Variants in PCDHA1 observed in about 807,000 individuals in gnomAD.
PCDHA1 encodes protocadherin alpha-1.
In PCDHA1, 42 loss-of-function variants were observed where a neutral mutation model predicts 61.3. The ratio of observed to expected loss-of-function variants is 0.69; its 90% CI spans 0.54 to 0.89. The LOEUF is 0.89. PCDHA1 is among the 40% of genes least tolerant of loss of function. The pLI is 0.00. For missense variants in PCDHA1, 1,256 were observed against 1,235.3 expected (o/e 1.02, Z -0.25); for synonymous variants, 610 against 553.8 (o/e 1.10, Z -1.43).
intron 1 of PCDHA1, chr5:140,871,468 G>C (rs781821721): frequency 6.2e-7 from 1 of 1,602,172 alleles, no homozygotes; most frequent in East Asian, 2.2e-5. Context: ...GGAAAGACAG[G>C]AGCCAGGGTC....
At chr5:140,798,639 T>C (rs1480181515) in intron 1 of PCDHA1, among the ~76,000 whole-genome samples, 1 of 152,204 alleles carries the variant, frequency 6.6e-6, no homozygotes, top group Non-Finnish European at 1.5e-5. Flanking sequence ...TAATGTGAGC[T>C]CACTCAATTT....
intron 1 of PCDHA1, chr5:140,802,551 G>C: frequency 6.2e-7 from 1 of 1,614,220 alleles, no homozygotes; most frequent in South Asian, 1.1e-5. Context: ...GAACGACAAT[G>C]CGCCGGCATT....
At chr5:140,900,489 C>G (rs1429058590) in intron 1 of PCDHA1, among the ~76,000 whole-genome samples, 8 of 152,196 alleles carry the variant, frequency 5.3e-5, no homozygotes, top group African/African-American at 1.7e-4. Context: ...GTTGGTCAGA[C>G]TGGTCTCAAA....
At chr5:140,958,587 A>G (rs530889375) in intron 1 of PCDHA1, among the ~76,000 whole-genome samples, 36 of 152,292 alleles carry the variant, frequency 2.4e-4, no homozygotes, top group African/African-American at 8.2e-4. Context: ...AAATGAGCTT[A>G]TGATAATTGG....
chr5:140,821,988 G>A (rs2150112671), intron 1 of PCDHA1: 52 of 1,614,070 alleles, frequency 3.2e-5, no homozygotes, highest in Admixed American at 3.2e-4. Flanking sequence ...AGGGCCGCGG[G>A]GACCTTCTGG....
intron 1 of PCDHA1, chr5:140,834,524 C>G: frequency 6.2e-7 from 1 of 1,614,088 alleles, no homozygotes; most frequent in African/African-American, 1.3e-5. Flanking sequence ...TCGTGGGCCG[C>G]ATCGCGCAGG....
chr5:140,821,522 C>A, intron 1 of PCDHA1: 3 of 409,570 alleles, frequency 7.3e-6, no homozygotes, highest in East Asian at 3.9e-5. Flanking sequence ...TAAAGCAAAA[C>A]AAAATAAAAC....
In PCDHA1 at chr5:140,787,735, C is replaced by T. The variant is rs782599305; in HGVS notation, c.1445C>T (p.Ala482Val). The change falls in exon 1 of 4, where the codon GCG (alanine) becomes GTG (valine). Residue 482 changes from alanine to valine, a missense_variant. By Grantham distance (64) the Ala-to-Val change is moderately conservative. Transcript: ENST00000504120. The part of the protein sequence containing the change: ...CHIFTVSARD[A>V]DAQENALVSY... The stretch of plus-strand genomic sequence containing the variant: ...ATCTTCACGGTGTCTGCGCGGGACG[C>T]GGACGCGCAGGAGAACGCGCTGGTG... 29 of 1,613,466 alleles carry T rather than the reference C, an allele frequency of 1.8e-5. No individual in the cohort carries two copies. The highest frequency in any genetic ancestry group is 1.6e-5 in the Non-Finnish European group (19 of 1,179,878).
chr5:140,898,275 T>C (rs13181478), intron 1 of PCDHA1, among the ~76,000 whole-genome samples: 1 of 152,166 alleles, frequency 6.6e-6, no homozygotes, highest in Non-Finnish European at 1.5e-5. Context: ...ATGCCTAAGT[T>C]CTGAATGGTA....
At chr5:140,804,158 T>G (rs1283222315) in intron 1 of PCDHA1, 1 of 152,482 alleles carries the variant, frequency 6.6e-6, no homozygotes, top group Non-Finnish European at 1.5e-5. Context: ...TCAATCCTTA[T>G]TTTTTACTTG....
intron 1 of PCDHA1, among the ~76,000 whole-genome samples, chr5:140,894,265 C>A (rs1328152615): frequency 6.6e-6 from 1 of 151,796 alleles, no homozygotes; most frequent in East Asian, 1.9e-4. Context: ...CAAGTGGTAG[C>A]TTATTTACAA....
At chr5:140,852,781 G>A (rs1213399832) in intron 1 of PCDHA1, 1 of 979,508 alleles carries the variant, frequency 1.0e-6, no homozygotes, top group African/African-American at 1.8e-5. Flanking sequence ...GATGTGAATA[G>A]AGGGATGCTA....
intron 1 of PCDHA1, chr5:140,881,393 A>G: frequency 1.0e-6 from 1 of 979,646 alleles, no homozygotes; most frequent in Non-Finnish European, 1.2e-6. Context: ...GGTAAGTTAA[A>G]TTCTATTAAA....
At chr5:140,797,616 C>A (rs914544149) in intron 1 of PCDHA1, 2 of 489,812 alleles carry the variant, frequency 4.1e-6, no homozygotes, top group South Asian at 3.6e-5. Flanking sequence ...CTGAAAAACA[C>A]CTCAGCAAAA....
intron 1 of PCDHA1, chr5:140,858,351 T>G: frequency 6.3e-7 from 1 of 1,594,234 alleles, no homozygotes; most frequent in Non-Finnish European, 8.6e-7. Context: ...GCGGACCTCA[T>G]GGCCTTCAGC....
Position 140,856,345 on chromosome 5 carries a change from G to C in PCDHA1, c.2394+67661G>C, listed in dbSNP as rs1347690443. The C allele has an allele frequency of 8.8e-6, 14 of 1,598,640 alleles. 1 individual carries two copies. The highest frequency in any genetic ancestry group is 1.2e-5 in the Non-Finnish European group (14 of 1,168,012). ...GCGAGGAGCTGTGCGGGCGGAGCGT[G>C]GAGTGCAGCATCCACCTGGAGGTGA... is the stretch of plus-strand genomic sequence containing the variant. On this transcript the variant is annotated intron_variant, in intron 1 of 3. Transcript: ENST00000504120.
intron 1 of PCDHA1, among the ~76,000 whole-genome samples, chr5:140,937,632 G>T (rs1228752133): frequency 1.3e-5 from 2 of 150,132 alleles, no homozygotes; most frequent in Admixed American, 1.3e-4. Flanking sequence ...AAAAAGAAAG[G>T]CAGGGCATGG....
chr5:141,005,133 T>C (rs559773723), intron 3 of PCDHA1, among the ~76,000 whole-genome samples: 3 of 152,328 alleles, frequency 2.0e-5, no homozygotes, highest in Admixed American at 6.5e-5. Context: ...AAGTGCCTCA[T>C]TGGAGAGTTG....
chr5:140,797,079 C>T (rs781862610), intron 1 of PCDHA1: 5 of 1,613,792 alleles, frequency 3.1e-6, no homozygotes, highest in Non-Finnish European at 4.2e-6. Flanking sequence ...TCGCCATCTG[C>T]GCGGTATCCA....
Sources: allele counts gnomAD v4.1 joint callset (sites outside exome capture counted in the v4.1 genomes callset), GRCh38; gene constraint gnomAD v4.1.1; transcripts MANE v1.5; gene names NCBI Gene and HGNC (gene_info 2026-07-23, HGNC 2026-07-21).